Variants in KIF13A observed in about 807,000 individuals in gnomAD.
KIF13A encodes kinesin family member 13A, also known as kinesin-like protein KIF13A.
Under a neutral mutation model 212.2 loss-of-function variants are expected in KIF13A, and 79 were observed. The observed-to-expected ratio is 0.37, with a 90% CI of 0.31 to 0.45. KIF13A has a LOEUF of 0.45. Among genes scored for constraint, KIF13A ranks in the 20% least tolerant of loss-of-function variants. KIF13A has a pLI of 1.00. For synonymous variants in KIF13A, 789 were observed against 808.6 expected (o/e 0.98, Z 0.41); for missense variants, 1,901 against 2,209.0 (o/e 0.86, Z 2.79).
In KIF13A at chr6:17,919,781, C is replaced by A. The variant is rs1353771755; in HGVS notation, c.147-21601G>T. The stretch of plus-strand genomic sequence containing the variant: ...AGGTGAAAGCTGAGGGCAACCCAAG[C>A]CCCTTTCACCATGTGGAAAATAATG... On this transcript the variant is annotated intron_variant, in intron 2 of 38. Transcript: ENST00000259711. The surrounding 1 kb of genome is among the most constrained non-coding windows in gnomAD (Gnocchi z 4.1). Among the ~76,000 whole-genome samples, 1 of 152,170 alleles carries A rather than the reference C, an allele frequency of 6.6e-6. No homozygotes were observed. Among genetic ancestry groups the A allele is most frequent in the African/African-American group, 2.4e-5 (1 of 41,422 alleles).
rs1777780989 is a variant in KIF13A, at chr6:17,950,795, G to T, written c.146+36259C>A. The T allele has an allele frequency of 3.1e-6, 3 of 978,198 alleles. No individual in the cohort carries two copies. The South Asian group carries it at 1.4e-4, about 46-fold the overall frequency. 60.6% of individuals were successfully genotyped at this position (978,198 alleles called of 1,614,324 possible). Reference sequence around the variant, plus strand: ...ACTAGAAAAATCTCTAATTACTAAAGGACTTTTAAATCTTTCTTAATTTTG... The same window carrying T: ...ACTAGAAAAATCTCTAATTACTAAATGACTTTTAAATCTTTCTTAATTTTG... On this transcript the variant is annotated intron_variant, in intron 2 of 38. Coordinates refer to ENST00000259711, the MANE Select transcript of KIF13A (RefSeq NM_022113.6).
intron 23 of KIF13A, among the ~76,000 whole-genome samples, chr6:17,795,743 A>T (rs1761976449): frequency 6.6e-6 from 1 of 152,156 alleles, no homozygotes; most frequent in Non-Finnish European, 1.5e-5. Context: ...CCTCCCCCAG[A>T]TTGCAGCTTG....
At position 17,781,163 on chromosome 6, in the gene KIF13A, T is replaced by C; in HGVS notation, c.3669+14A>G. The stretch of plus-strand genomic sequence containing the variant: ...AATCTGAAGCCTTTTAAGAGAAACT[T>C]GGGGGTTAATTACCTCATCATCACT... On this transcript the variant is annotated intron_variant, in intron 30 of 38. Transcript: ENST00000259711. 6.2e-7 allele frequency: 1 copy of C among 1,613,782 alleles called. No homozygotes were observed. The highest frequency in any genetic ancestry group is 8.5e-7 in the Non-Finnish European group (1 of 1,179,800).
At chr6:17,933,583 T>C (rs1195697573) in intron 2 of KIF13A, among the ~76,000 whole-genome samples, 2 of 152,040 alleles carry the variant, frequency 1.3e-5, no homozygotes, top group Non-Finnish European at 2.9e-5. Flanking sequence ...ATTAACTAAA[T>C]GGGACATAAG....
chr6:17,800,535 C>T (rs1173201144), intron 20 of KIF13A, among the ~76,000 whole-genome samples: 2 of 151,562 alleles, frequency 1.3e-5, no homozygotes, highest in Non-Finnish European at 2.9e-5. Flanking sequence ...CTCCTGAGTT[C>T]AAGCGATTCT....
chr6:17,779,257 ATTTTTTTTT>A (rs3076205), intron 32 of KIF13A, among the ~76,000 whole-genome samples, 158 bp from the exon 33 acceptor site: 1,612 of 35,212 alleles, frequency 0.046, 14 homozygotes, highest in East Asian at 0.29. Context: ...ATATATATAT[ATTTTTTTTT>A]TTTTTTTTTT....
At chr6:17,945,074 A>G (rs1777267098) in intron 2 of KIF13A, among the ~76,000 whole-genome samples, 1 of 152,190 alleles carries the variant, frequency 6.6e-6, no homozygotes, top group South Asian at 2.1e-4. Context: ...GCAGTTTGAG[A>G]CCAGTCTGGG....
In KIF13A at chr6:17,794,543, TA is replaced by T. The variant is rs200502612; in HGVS notation, c.3075+28del. 55 of 1,551,212 alleles carry T rather than the reference TA, an allele frequency of 3.5e-5. No individual in the cohort carries two copies. Among genetic ancestry groups the T allele is most frequent in the Admixed American group, 2.0e-4 (10 of 50,280 alleles). On this transcript the variant is annotated intron_variant, in intron 24 of 38. Transcript: ENST00000259711. The surrounding 1 kb of genome is among the most constrained non-coding windows in gnomAD (Gnocchi z 4.1). Reference sequence around the variant, plus strand: ...TAAGAGTGGAACAGAGAGAAAACATTAAAAAAAAACCCAAAACAAACTCAGT... The same window carrying T: ...TAAGAGTGGAACAGAGAGAAAACATTAAAAAAAACCCAAAACAAACTCAGT...
At chr6:17,810,746 T>C (rs762089250) in intron 17 of KIF13A, among the ~76,000 whole-genome samples, 10 of 152,186 alleles carry the variant, frequency 6.6e-5, no homozygotes, top group Non-Finnish European at 8.8e-5. Flanking sequence ...CAGACTCTTA[T>C]AAGGAACATG....
rs1217036263 is a variant in KIF13A, at chr6:17,776,303, T to C, written c.4170+974A>G. On this transcript the variant is annotated intron_variant, in intron 34 of 38. Transcript: ENST00000259711. The surrounding 1 kb of genome is among the most constrained non-coding windows in gnomAD (Gnocchi z 4.6). ...TTTTCTACTGTCTAGTATTCTGCTT[T>C]ATACAGAATTATAGGGAATTTAGGG... Among the ~76,000 whole-genome samples the C allele has an allele frequency of 6.6e-6, 1 of 152,226 alleles. No individual in the cohort carries two copies. The highest frequency in any genetic ancestry group is 2.4e-5 in the African/African-American group (1 of 41,458).
chr6:17,882,946 T>C (rs559405482), intron 3 of KIF13A, among the ~76,000 whole-genome samples: 4 of 152,212 alleles, frequency 2.6e-5, no homozygotes, highest in Admixed American at 6.5e-5. Flanking sequence ...TGTGTATATA[T>C]ATGTATACAT....
chr6:17,887,743 C>T (rs1771675987), intron 3 of KIF13A, among the ~76,000 whole-genome samples: 2 of 152,020 alleles, frequency 1.3e-5, no homozygotes, highest in African/African-American at 2.4e-5. Context: ...GCCCAGGCTA[C>T]AGTGCAGTGG....
At chr6:17,879,343 C>T (rs1770855413) in intron 3 of KIF13A, among the ~76,000 whole-genome samples, 1 of 152,072 alleles carries the variant, frequency 6.6e-6, no homozygotes, top group African/African-American at 2.4e-5. Context: ...AATATTTTTT[C>T]AATTAATAAA....
chr6:17,853,138 C>T (rs1767822068), intron 6 of KIF13A, among the ~76,000 whole-genome samples: 1 of 152,180 alleles, frequency 6.6e-6, no homozygotes, highest in Non-Finnish European at 1.5e-5. Flanking sequence ...AAAGTCCTGG[C>T]ATTGTTCCCT....
rs142805713 is a variant in KIF13A at position 17,914,581 on chromosome 6, A to C, written c.147-16401T>G. Among the ~76,000 whole-genome samples the C allele has an allele frequency of 5.9e-5, 9 of 152,296 alleles. No homozygotes were observed. Among genetic ancestry groups the C allele is most frequent in the African/African-American group, 2.2e-4 (9 of 41,574 alleles). ...CACTATCCACCAATAACGGATCCTCAGCCCTTTTTTCAAATGTCCTTCTGA... is the reference window on the plus strand; with the variant it reads ...CACTATCCACCAATAACGGATCCTCCGCCCTTTTTTCAAATGTCCTTCTGA... On this transcript the variant is annotated intron_variant, in intron 2 of 38. Coordinates refer to ENST00000259711, the MANE Select transcript of KIF13A (RefSeq NM_022113.6). The surrounding 1 kb of genome is among the most constrained non-coding windows in gnomAD (Gnocchi z 5.9).
intron 25 of KIF13A, among the ~76,000 whole-genome samples, chr6:17,790,907 T>C (rs1761479360): frequency 6.6e-6 from 1 of 152,180 alleles, no homozygotes; most frequent in Non-Finnish European, 1.5e-5. Context: ...AGGGCAACAT[T>C]GTAAAATAAA....
intron 2 of KIF13A, among the ~76,000 whole-genome samples, chr6:17,972,830 T>A (rs189969954): frequency 1.3e-4 from 8 of 59,884 alleles, no homozygotes; most frequent in Admixed American, 1.7e-4. Flanking sequence ...TGAGAGAGAG[T>A]GAGAAAAAAA....
chr6:17,894,602 A>G (rs1179303749), intron 3 of KIF13A, among the ~76,000 whole-genome samples: 1 of 152,116 alleles, frequency 6.6e-6, no homozygotes, highest in Non-Finnish European at 1.5e-5. Flanking sequence ...ACTGTTAAGA[A>G]TTGTTTCCCC....
intron 4 of KIF13A, among the ~76,000 whole-genome samples, chr6:17,864,866 C>G (rs558835331): frequency 3.3e-4 from 50 of 152,252 alleles, no homozygotes; most frequent in African/African-American, 1.2e-3. Flanking sequence ...AGAACAGCAG[C>G]AATAGGCTCA....
Sources: gnomAD v4.1 joint callset for allele counts (sites outside exome capture counted in the v4.1 genomes callset) on GRCh38, gnomAD v4.1.1 for gene constraint, Gnocchi (gnomAD v3.1) non-coding constraint, MANE v1.5 for transcripts, NCBI Gene and HGNC (gene_info 2026-07-23, HGNC 2026-07-21) for gene names.